Variants in DSTYK observed in about 807,000 individuals in gnomAD.
DSTYK encodes dual serine/threonine and tyrosine protein kinase, also known as RIP-homologous kinase.
In DSTYK, 34 loss-of-function variants were observed where a neutral mutation model predicts 98.7. That is an observed-to-expected ratio of 0.34 (90% CI 0.26 to 0.46). The LOEUF (loss-of-function observed/expected upper bound fraction) is 0.46. Ranked by LOEUF, DSTYK falls within the 20% of genes least tolerant of loss-of-function variation. DSTYK has a pLI of 1.00. For missense variants in DSTYK, 962 were observed against 1,181.7 expected, an observed-to-expected ratio of 0.81 and a Z score of 2.73; for synonymous variants, 462 against 457.3, an observed-to-expected ratio of 1.01 and a Z score of -0.13.
Position 205,163,975 on chromosome 1 carries a change from A to C in DSTYK, c.1325-20T>G, listed in dbSNP as rs760175164. The C allele has an allele frequency of 4.4e-6, 7 of 1,606,134 alleles. No homozygotes were observed. The East Asian group carries it at 6.7e-5, about 15-fold the overall frequency. ...TGACGTCTATGGAGGCAGAGAAATA[A>C]GCTGAATAGTTGTGAGGAAGAAGGG... On this transcript the variant is annotated intron_variant, in intron 3 of 12. Transcript: ENST00000367162.
rs1173265081 is a variant in DSTYK at position 205,163,737 on chromosome 1, T to C, written c.1543A>G (p.Asn515Asp). The C allele has an allele frequency of 1.9e-6, 3 of 1,613,674 alleles. No homozygotes were observed. Among genetic ancestry groups the C allele is most frequent in the South Asian group, 1.1e-5 (1 of 91,018 alleles). Reference sequence around the variant, plus strand: ...TCTTTGTCTACCTGTTTGAGATAATTACTGGTGATGTGAACTGAGACATCC... The same window carrying C: ...TCTTTGTCTACCTGTTTGAGATAATCACTGGTGATGTGAACTGAGACATCC... ...SQDVSVHITS[N>D]YLKQILNAAY... is the part of the protein sequence containing the mutation. Residue 515 changes from asparagine to aspartate, a missense_variant, in exon 4 of 13, where the codon AAT becomes GAT. Around this residue, in one of 4 missense-constraint regions of DSTYK, gnomAD observed 660 missense variants for 855.0 expected, o/e 0.77. Transcript: ENST00000367162.
At chr1:205,202,729 A>T in intron 1 of DSTYK, 2 of 772,468 alleles carry the variant, frequency 2.6e-6, no homozygotes, top group Admixed American at 3.7e-5. Flanking sequence ...ACAAAAACTT[A>T]TGACACAGGA....
At chr1:205,167,308 G>A (rs556741786) in intron 3 of DSTYK, among the ~76,000 whole-genome samples, 103 of 152,288 alleles carry the variant, frequency 6.8e-4, no homozygotes, top group Non-Finnish European at 1.1e-3. Context: ...GCTGAGGCAG[G>A]AGGATTGCTT....
chr1:205,197,565 G>C lies in DSTYK; in HGVS notation c.266-9759C>G, dbSNP rs563063703. The stretch of plus-strand genomic sequence containing the variant: ...GCGTATCCAGCTCTTGATCTCAGAG[G>C]AAAGAGATCAAGAGATAGGATTTTA... On this transcript the variant is annotated intron_variant, in intron 1 of 12. Transcript: ENST00000367162. Among the ~76,000 whole-genome samples the C allele has an allele frequency of 3.3e-5, 5 of 151,212 alleles. No homozygotes were observed. The South Asian group carries it at 1.0e-3, about 32-fold the overall frequency.
intron 2 of DSTYK, among the ~76,000 whole-genome samples, chr1:205,177,899 C>T (rs1658278489): frequency 6.6e-6 from 1 of 151,886 alleles, no homozygotes; most frequent in African/African-American, 2.4e-5. Flanking sequence ...AATACCTTGA[C>T]TCTTTTTGGT....
chr1:205,202,117 G>GGGGAA (rs147957741), intron 1 of DSTYK: 133,408 of 449,122 alleles, frequency 0.3, 25,359 homozygotes, highest in Non-Finnish European at 0.42. Flanking sequence ...GAAGGGAGAA[G>GGGGAA]GGGAAGGGAA....
chr1:205,186,307 A>G (rs1360720969), intron 2 of DSTYK, among the ~76,000 whole-genome samples: 1 of 152,182 alleles, frequency 6.6e-6, no homozygotes, highest in Non-Finnish European at 1.5e-5. Context: ...GGAAACCACC[A>G]CTGAAACTGA....
chr1:205,172,459 C>T (rs1489475478), intron 2 of DSTYK, among the ~76,000 whole-genome samples: 1 of 108,562 alleles, frequency 9.2e-6, no homozygotes, highest in Non-Finnish European at 2.4e-5. Flanking sequence ...GCCACTACGC[C>T]CAGCTAATTT....
At chr1:205,185,271 T>C (rs1658529802) in intron 2 of DSTYK, among the ~76,000 whole-genome samples, 1 of 152,176 alleles carries the variant, frequency 6.6e-6, no homozygotes, top group African/African-American at 2.4e-5. Context: ...GTCAAATGAT[T>C]TGCCTCTCCT....
At chr1:205,199,818 A>G (rs773671599) in intron 1 of DSTYK, among the ~76,000 whole-genome samples, 1 of 152,152 alleles carries the variant, frequency 6.6e-6, no homozygotes, top group Non-Finnish European at 1.5e-5. Flanking sequence ...AGGTTTTACA[A>G]CCATAACCAA....
In DSTYK at chr1:205,150,961, C is replaced by T. The variant is rs1390029632; in HGVS notation, c.2353-167G>A. On this transcript the variant is annotated intron_variant, in intron 10 of 12. Coordinates refer to ENST00000367162, the MANE Select transcript of DSTYK (RefSeq NM_015375.3). This position sits in a 1 kb window ranked among gnomAD's most constrained non-coding sequence, Gnocchi z 4.1. Reference sequence around the variant, plus strand: ...ATCCTTGTACAAACACCAGACTGTGCTTACACCAACCCAGATGGTATACCT... The same window carrying T: ...ATCCTTGTACAAACACCAGACTGTGTTTACACCAACCCAGATGGTATACCT... 6.6e-6 allele frequency among the ~76,000 whole-genome samples: 1 copy of T among 152,160 alleles called. No individual in the cohort carries two copies. Among genetic ancestry groups the T allele is most frequent in the Non-Finnish European group, 1.5e-5 (1 of 68,028 alleles).
Position 205,155,060 on chromosome 1 carries a change from C to A in DSTYK, c.2352+2213G>T, listed in dbSNP as rs555483787. On this transcript the variant is annotated intron_variant, in intron 10 of 12. Transcript: ENST00000367162. ...AGTGCAGTGGCGCAATCTCAGCTCA[C>A]TGCAACCTCTGCCTCCCAGGTTCAA... 3.9e-5 allele frequency among the ~76,000 whole-genome samples: 6 copies of A among 152,232 alleles called. No individual in the cohort carries two copies. The South Asian group carries it at 1.2e-3, about 32-fold the overall frequency.
chr1:205,195,921 C>T (rs745700043), intron 1 of DSTYK, among the ~76,000 whole-genome samples: 10 of 152,154 alleles, frequency 6.6e-5, no homozygotes, highest in Non-Finnish European at 8.8e-5. Flanking sequence ...GAGGCTTTAA[C>T]GTATGGGACG....
At chr1:205,171,051 ACT>A (rs1214382624) in intron 2 of DSTYK, among the ~76,000 whole-genome samples, 2 of 151,290 alleles carry the variant, frequency 1.3e-5, no homozygotes, top group African/African-American at 4.9e-5. Flanking sequence ...AAACCCAAAA[ACT>A]CTATCTTTAA....
intron 5 of DSTYK, 108 bp from the exon 6 acceptor site, chr1:205,162,320 A>G: frequency 7.7e-7 from 1 of 1,300,730 alleles, no homozygotes; most frequent in Non-Finnish European, 1.1e-6. Flanking sequence ...GAGCAGGCTC[A>G]TAAGATGGGA....
At chr1:205,163,281 G>A (rs570930803) in intron 4 of DSTYK, among the ~76,000 whole-genome samples, 136 of 151,634 alleles carry the variant, frequency 9.0e-4, no homozygotes, top group African/African-American at 3.1e-3. Context: ...GTGCAATGGC[G>A]TGATCTTGGC....
chr1:205,196,566 AAAC>A (rs1658871663), intron 1 of DSTYK, among the ~76,000 whole-genome samples: 1 of 152,052 alleles, frequency 6.6e-6, no homozygotes, highest in Non-Finnish European at 1.5e-5. Flanking sequence ...TGTAAAAAGA[AAAC>A]AACAACAAAA....
intron 1 of DSTYK, among the ~76,000 whole-genome samples, chr1:205,198,391 A>G (rs557431163): frequency 2.2e-4 from 34 of 152,322 alleles, no homozygotes; most frequent in Admixed American, 2.1e-3. Context: ...TCCATGGGAC[A>G]GAACCAGAAG....
intron 1 of DSTYK, chr1:205,202,783 A>C (rs1659080838): frequency 3.3e-6 from 2 of 608,432 alleles, no homozygotes; most frequent in Non-Finnish European, 5.8e-6. Context: ...ATTTTTTTAA[A>C]AAAAGGAAAG....
Sources: gnomAD v4.1 joint callset for allele counts (sites outside exome capture counted in the v4.1 genomes callset) on GRCh38, gnomAD v4.1.1 for gene constraint, gnomAD v4.1.1 regional missense constraint, Gnocchi (gnomAD v3.1) non-coding constraint, MANE v1.5 for transcripts, NCBI Gene and HGNC (gene_info 2026-07-23, HGNC 2026-07-21) for gene names.